Variants in GPR137B observed in about 807,000 individuals in gnomAD.
GPR137B encodes the protein integral membrane protein GPR137B.
In GPR137B, 42 loss-of-function variants were observed where a neutral mutation model predicts 42.5. The ratio of observed to expected loss-of-function variants is 0.99; its 90% CI spans 0.77 to 1.28. The LOEUF is 1.28. GPR137B is among the 50% of genes most tolerant of loss of function. The probability of loss-of-function intolerance (pLI) is 0.00; values close to 1 mark genes in which losing one functional copy is unlikely to be tolerated. For synonymous variants in GPR137B, 218 were observed against 209.7 expected, an observed-to-expected ratio of 1.04 and a Z score of -0.34; for missense variants, 487 against 493.9, an observed-to-expected ratio of 0.99 and a Z score of 0.13.
intron 1 of GPR137B, among the ~76,000 whole-genome samples, chr1:236,160,591 A>C (rs962295626): frequency 4.9e-4 from 75 of 151,634 alleles, no homozygotes; most frequent in Admixed American, 1.0e-3. Context: ...CAAGGTCTGG[A>C]CCCCCTGAAT....
Position 236,208,895 on chromosome 1 carries a change from T to G in GPR137B, c.*737T>G. The G allele has an allele frequency of 1.0e-6, 1 of 984,488 alleles. No homozygotes were observed. Among genetic ancestry groups the G allele is most frequent in the Non-Finnish European group, 1.2e-6 (1 of 829,074 alleles). The allele number at this position is 984,488 out of a possible 1,614,324, so 61.0% of individuals were successfully genotyped here. ...CTGACTTATCCTATTAAACCTCCTC[T>G]GCTATGTTCACAGATTCTGCATAGT... On this transcript the variant is annotated 3_prime_UTR_variant, in exon 7 of 7. Coordinates refer to ENST00000366592, the MANE Select transcript of GPR137B (RefSeq NM_003272.4).
Position 236,208,856 on chromosome 1 carries a change from C to T in GPR137B, c.*698C>T, listed in dbSNP as rs1033609408. ...ATACACATTAATGATAAGTTGATAA[C>T]ATTAAAAATGTAGCTGACTTATCCT... On this transcript the variant is annotated 3_prime_UTR_variant, in exon 7 of 7. Coordinates refer to ENST00000366592, the MANE Select transcript of GPR137B (RefSeq NM_003272.4). 1.6e-5 allele frequency: 16 copies of T among 983,326 alleles called. No homozygotes were observed. The African/African-American group carries it at 2.6e-4, about 16-fold the overall frequency. 60.9% of individuals were successfully genotyped at this position (983,326 alleles called of 1,614,324 possible). A position where few individuals can be genotyped will look rare whatever the true frequency, so the allele number is the denominator to read the frequency against.
chr1:236,171,672 C>T lies in GPR137B; in HGVS notation c.464+2917C>T, dbSNP rs566498052. ...AGACAGGCTGCGCTGACATGTATGGCTGCATTTTATTGGGAAGGGATTCAC... is the reference window on the plus strand; with the variant it reads ...AGACAGGCTGCGCTGACATGTATGGTTGCATTTTATTGGGAAGGGATTCAC... On this transcript the variant is annotated intron_variant, in intron 2 of 6. Transcript: ENST00000366592. The surrounding 1 kb of genome is among the most constrained non-coding windows in gnomAD (Gnocchi z 4.4). Among the ~76,000 whole-genome samples the T allele has an allele frequency of 7.5e-4, 114 of 152,250 alleles. No homozygotes were observed. Among genetic ancestry groups the T allele is most frequent in the African/African-American group, 2.6e-3 (107 of 41,530 alleles).
rs1239544339 is a variant in GPR137B at position 236,155,035 on chromosome 1, C to T, written c.414+11999C>T. 6.6e-6 allele frequency among the ~76,000 whole-genome samples: 1 copy of T among 152,238 alleles called. No individual in the cohort carries two copies. The highest frequency in any genetic ancestry group is 6.5e-5 in the Admixed American group (1 of 15,290). On this transcript the variant is annotated intron_variant, in intron 1 of 6. Coordinates refer to ENST00000366592, the MANE Select transcript of GPR137B (RefSeq NM_003272.4). This position sits in a 1 kb window ranked among gnomAD's most constrained non-coding sequence, Gnocchi z 4.6. Reference sequence around the variant, plus strand: ...GTGATGGTAGGGCCTTGTGTGGCCACAGCCCTTGTCATTCCCAAGGCCAAA... The same window carrying T: ...GTGATGGTAGGGCCTTGTGTGGCCATAGCCCTTGTCATTCCCAAGGCCAAA...
At chr1:236,185,665 C>G (rs1389607616) in intron 5 of GPR137B, among the ~76,000 whole-genome samples, 1 of 152,152 alleles carries the variant, frequency 6.6e-6, no homozygotes, top group East Asian at 1.9e-4. Context: ...AAGCGATTCT[C>G]TTGCCTTAGT....
At chr1:236,207,106 G>A (rs752800719) in intron 6 of GPR137B, 2 of 980,886 alleles carry the variant, frequency 2.0e-6, no homozygotes, top group Non-Finnish European at 2.4e-6. Context: ...CTTTTTAAGA[G>A]AGCTCTGAAA....
chr1:236,149,368 A>G (rs1418949822), intron 1 of GPR137B, among the ~76,000 whole-genome samples: 31 of 152,202 alleles, frequency 2.0e-4, no homozygotes, highest in Admixed American at 2.0e-3. Context: ...CCAGGCGTGC[A>G]GAGGCAGGAC....
intron 1 of GPR137B, among the ~76,000 whole-genome samples, chr1:236,149,812 A>G (rs979577123): frequency 5.9e-5 from 9 of 152,256 alleles, no homozygotes; most frequent in Non-Finnish European, 1.2e-4. Flanking sequence ...CAGTGGGCTC[A>G]TGGCCAGCCA....
intron 1 of GPR137B, among the ~76,000 whole-genome samples, chr1:236,157,352 T>A (rs1662061682): frequency 6.6e-6 from 1 of 152,076 alleles, no homozygotes; most frequent in Non-Finnish European, 1.5e-5. Context: ...GTCTCCCCAG[T>A]GGCTGGGACT....
At chr1:236,179,451 C>T (rs1311448514) in intron 3 of GPR137B, among the ~76,000 whole-genome samples, 1 of 152,122 alleles carries the variant, frequency 6.6e-6, no homozygotes, top group Non-Finnish European at 1.5e-5. Context: ...CAGAGCCGTC[C>T]TGAGCTCTGC....
chr1:236,158,483 G>A (rs144258553), intron 1 of GPR137B, among the ~76,000 whole-genome samples: 8 of 152,196 alleles, frequency 5.3e-5, no homozygotes, highest in African/African-American at 1.7e-4. Flanking sequence ...AGGATGGAGT[G>A]CTGGGTGCAT....
intron 5 of GPR137B, among the ~76,000 whole-genome samples, chr1:236,188,816 A>C (rs1663109333): frequency 6.6e-6 from 1 of 152,198 alleles, no homozygotes; most frequent in African/African-American, 2.4e-5. Context: ...TTTTGGTATT[A>C]GGATGATGCT....
At chr1:236,190,202 C>G (rs1361995900) in intron 5 of GPR137B, among the ~76,000 whole-genome samples, 1 of 144,986 alleles carries the variant, frequency 6.9e-6, no homozygotes, top group Non-Finnish European at 1.5e-5. Context: ...TCCTCCGTCC[C>G]TTTATTTTGA....
At chr1:236,186,358 A>G (rs1271538391) in intron 5 of GPR137B, among the ~76,000 whole-genome samples, 1 of 123,398 alleles carries the variant, frequency 8.1e-6, no homozygotes, top group African/African-American at 3.1e-5. Flanking sequence ...AATATATATT[A>G]TTAAGTTCTG....
intron 2 of GPR137B, among the ~76,000 whole-genome samples, chr1:236,173,817 C>G (rs1160361065): frequency 6.6e-6 from 1 of 152,144 alleles, no homozygotes. Context: ...TTTGAAAACT[C>G]TCTCGCCACA....
intron 2 of GPR137B, among the ~76,000 whole-genome samples, chr1:236,175,800 G>A (rs1435447884): frequency 6.6e-6 from 1 of 152,122 alleles, no homozygotes; most frequent in African/African-American, 2.4e-5. Flanking sequence ...AGACTGACAC[G>A]GAACACCTCC....
At chr1:236,148,107 T>C (rs1179227123) in intron 1 of GPR137B, among the ~76,000 whole-genome samples, 2 of 152,240 alleles carry the variant, frequency 1.3e-5, no homozygotes, top group Non-Finnish European at 2.9e-5. Context: ...GAGCCTGTTC[T>C]AAGCGCTGTG....
intron 2 of GPR137B, among the ~76,000 whole-genome samples, chr1:236,174,552 G>A (rs1203741878): frequency 6.6e-6 from 1 of 152,128 alleles, no homozygotes; most frequent in Admixed American, 6.5e-5. Flanking sequence ...GGATAGAGTG[G>A]GAATGAAGAA....
chr1:236,144,749 G>A (rs1661636069), intron 1 of GPR137B, among the ~76,000 whole-genome samples: 1 of 152,240 alleles, frequency 6.6e-6, no homozygotes, highest in Admixed American at 6.5e-5. Context: ...CAAAAGACAG[G>A]TGAGGTGATG....
Sources: gnomAD v4.1 joint callset for allele counts (sites outside exome capture counted in the v4.1 genomes callset) on GRCh38, gnomAD v4.1.1 for gene constraint, Gnocchi (gnomAD v3.1) non-coding constraint, MANE v1.5 for transcripts, NCBI Gene and HGNC (gene_info 2026-07-23, HGNC 2026-07-21) for gene names.